SF3A1: variants seen among roughly 807,000 people sequenced by gnomAD.
The protein encoded by SF3A1 is SAP 114.
SF3A1 carries 13 observed loss-of-function variants against 89.9 expected under a neutral mutation model. The observed-to-expected ratio is 0.14, with a 90% CI of 0.09 to 0.23. The LOEUF (loss-of-function observed/expected upper bound fraction) is 0.23. Among genes scored for constraint, SF3A1 ranks in the 10% least tolerant of loss-of-function variants. The probability of loss-of-function intolerance (pLI) is 1.00; values close to 1 mark genes in which losing one functional copy is unlikely to be tolerated. For synonymous variants in SF3A1, 405 were observed against 374.4 expected (o/e 1.08, Z -0.94); for missense variants, 604 against 1,022.1 (o/e 0.59, Z 5.58).
rs556869720 is a variant in SF3A1, at chr22:30,334,439, T to C, written c.*155A>G. On this transcript the variant is annotated 3_prime_UTR_variant, in exon 16 of 16. Transcript: ENST00000215793. ...CAATGTGGGGAAAGGGTCAGGGGAA[T>C]GAACCTCTGCAGGACAATTTGAATT... 7 of 555,096 alleles carry C rather than the reference T, an allele frequency of 1.3e-5. No homozygotes were observed. The South Asian group carries it at 1.5e-4, about 12-fold the overall frequency. 34.4% of individuals were successfully genotyped at this position (555,096 alleles called of 1,614,324 possible). A position where few individuals can be genotyped will look rare whatever the true frequency, so the allele number is the denominator to read the frequency against.
At chr22:30,344,459 T>C (rs1169859696) in intron 4 of SF3A1, among the ~76,000 whole-genome samples, 2 of 152,230 alleles carry the variant, frequency 1.3e-5, no homozygotes, top group East Asian at 1.9e-4. Context: ...AATCTCAGCA[T>C]AGTACTTACT....
chr22:30,337,630 C>T (rs1931111457), intron 12 of SF3A1, 60 bp downstream of exon 12: 1 of 823,772 alleles, frequency 1.2e-6, no homozygotes, highest in Admixed American at 2.0e-5. Flanking sequence ...GCTCTGCTGA[C>T]AGTACTTGGC....
intron 8 of SF3A1, 86 bp downstream of exon 8, chr22:30,340,609 C>A: frequency 1.1e-6 from 1 of 933,240 alleles, no homozygotes; most frequent in South Asian, 1.4e-5. Context: ...ACCTCAAGCC[C>A]TCCTAGAAAG....
rs1931880863 is a variant in SF3A1 at position 30,356,742 on chromosome 22, C to T, written c.51G>A (p.Thr17=). The change falls in exon 1 of 16, where the codon ACG becomes ACA. Residue 17 remains threonine, a synonymous_variant. Transcript: ENST00000215793. The part of the protein sequence containing the change: ...QAVPPPPPVP[T]EPKQPTEEEA... Reference sequence around the variant, plus strand: ...GGGGGAGAGGTACCTGTTTGGGCTCCGTGGGCACGGGCGGCGGCGGGGGCA... The same window carrying T: ...GGGGGAGAGGTACCTGTTTGGGCTCTGTGGGCACGGGCGGCGGCGGGGGCA... 2 of 1,492,626 alleles carry T rather than the reference C, an allele frequency of 1.3e-6. No homozygotes were observed. The highest frequency in any genetic ancestry group is 1.8e-6 in the Non-Finnish European group (2 of 1,116,836). 92.5% of individuals were successfully genotyped at this position (1,492,626 alleles called of 1,614,324 possible). A position where few individuals can be genotyped will look rare whatever the true frequency, so the allele number is the denominator to read the frequency against.
chr22:30,343,170 C>T (rs1289163020), intron 4 of SF3A1, among the ~76,000 whole-genome samples: 2 of 152,306 alleles, frequency 1.3e-5, no homozygotes, highest in African/African-American at 2.4e-5. Context: ...ACCCAGAACA[C>T]GGTCAGTATG....
intron 2 of SF3A1, among the ~76,000 whole-genome samples, chr22:30,350,630 C>T (rs2089356556): frequency 6.6e-6 from 1 of 152,110 alleles, no homozygotes; most frequent in South Asian, 2.1e-4. Context: ...TGGAAAAATG[C>T]TTACAACACA....
At chr22:30,334,756 C>T (rs11705056) in intron 15 of SF3A1, 61 bp from the exon 16 acceptor site, 93,730 of 1,168,486 alleles carry the variant, frequency 0.08, 4,314 homozygotes, top group Non-Finnish European at 0.093. Flanking sequence ...ACCGCTGCAA[C>T]CTTACAACTG....
Position 30,355,782 on chromosome 22 carries a change from T to C in SF3A1, c.63+948A>G, listed in dbSNP as rs186131580. Reference sequence around the variant, plus strand: ...CCAGGGACACACGGGCACTTAAATATTTGTGGAAAAGGCATGGCTTCTTCA... The same window carrying C: ...CCAGGGACACACGGGCACTTAAATACTTGTGGAAAAGGCATGGCTTCTTCA... On this transcript the variant is annotated intron_variant, in intron 1 of 15. Coordinates refer to ENST00000215793, the MANE Select transcript of SF3A1 (RefSeq NM_005877.6). 4.6e-5 allele frequency among the ~76,000 whole-genome samples: 7 copies of C among 151,494 alleles called. No individual in the cohort carries two copies. In the East Asian group the frequency reaches 1.4e-3, roughly 30 times the overall value.
rs762775050 is a variant in SF3A1, at chr22:30,334,429, G to A, written c.*165C>T. On this transcript the variant is annotated 3_prime_UTR_variant, in exon 16 of 16. Transcript: ENST00000215793. ...CTACTCTTACCAATGTGGGGAAAGG[G>A]TCAGGGGAATGAACCTCTGCAGGAC... is the stretch of plus-strand genomic sequence containing the variant. 10 of 534,074 alleles carry A rather than the reference G, an allele frequency of 1.9e-5. No homozygotes were observed. Among genetic ancestry groups the A allele is most frequent in the Non-Finnish European group, 3.3e-5 (10 of 304,122 alleles). The allele number at this position is 534,074 out of a possible 1,614,324, so 33.1% of individuals were successfully genotyped here. A position where few individuals can be genotyped will look rare whatever the true frequency, so the allele number is the denominator to read the frequency against.
chr22:30,337,040 G>A lies in SF3A1; in HGVS notation c.2092C>T (p.Leu698=). The change falls in exon 13 of 16, where the codon CTG becomes TTG. Residue 698 remains leucine (L), a synonymous_variant. Coordinates refer to ENST00000215793, the MANE Select transcript of SF3A1 (RefSeq NM_005877.6). ...EDSLMPEEEF[L]RRNKGPVSIK... ...GGATTACATACCTTGTTTCTGCGCA[G>A]GAACTCCTCCTCTGGCATGAGGCTG... is the stretch of plus-strand genomic sequence containing the variant. The A allele has an allele frequency of 6.2e-7, 1 of 1,614,174 alleles. No individual in the cohort carries two copies. Among genetic ancestry groups the A allele is most frequent in the African/African-American group, 1.3e-5 (1 of 75,036 alleles).
chr22:30,340,229 C>A lies in SF3A1; in HGVS notation c.1342G>T (p.Glu448Ter). The A allele has an allele frequency of 6.3e-7, 1 of 1,598,442 alleles. No homozygotes were observed. The highest frequency in any genetic ancestry group is 2.2e-5 in the East Asian group (1 of 44,450). The change falls in exon 9 of 16, where the codon GAG becomes TAG. Residue 448 changes from glutamate to a stop codon, truncating the protein, a stop_gained. Coordinates refer to ENST00000215793, the MANE Select transcript of SF3A1 (RefSeq NM_005877.6). LOFTEE classifies it high-confidence loss of function. The part of the protein sequence containing the change: ...WLEQRDRSIR[E>*]KQSDDEVYAP... ...TACACCTCATCATCGCTCTGCTTCT[C>A]ACGGATGGAGCGATCCCGCTGCTCC...
In SF3A1 at chr22:30,344,314, A is replaced by G. The variant is rs551509857; in HGVS notation, c.651+619T>C. 6.0e-4 allele frequency among the ~76,000 whole-genome samples: 92 copies of G among 152,348 alleles called. 1 individual carries two copies. Among genetic ancestry groups the G allele is most frequent in the Middle Eastern group, 6.8e-3 (2 of 294 alleles). ...GATTAAATGAGAAGATGCTGCATAC[A>G]TAATTTCTTAGTGATGTTAGTTATA... On this transcript the variant is annotated intron_variant, in intron 4 of 15. Coordinates refer to ENST00000215793, the MANE Select transcript of SF3A1 (RefSeq NM_005877.6).
At chr22:30,350,404 C>A (rs897391468) in intron 2 of SF3A1, among the ~76,000 whole-genome samples, 1 of 151,784 alleles carries the variant, frequency 6.6e-6, no homozygotes, top group Non-Finnish European at 1.5e-5. Context: ...ATAACTTGAG[C>A]CCAGGAGTTC....
Position 30,342,847 on chromosome 22 carries a change from C to A in SF3A1, c.684G>T (p.Lys228Asn). Residue 228 changes from lysine (K) to asparagine (N), a missense_variant, in exon 5 of 16, where the codon AAG (lysine) becomes AAT (asparagine). By Grantham distance (94) the Lys-to-Asn change is moderately conservative (BLOSUM62 0). Transcript: ENST00000215793. ...ILIPPKGLFS[K>N]LKKEAENPRE... Reference sequence around the variant, plus strand: ...GGGGGTTTTCAGCCTCTTTCTTGAGCTTTGAAAATAAACCTTTGGGTGGAA... The same window carrying A: ...GGGGGTTTTCAGCCTCTTTCTTGAGATTTGAAAATAAACCTTTGGGTGGAA... The A allele has an allele frequency of 1.2e-6, 2 of 1,613,004 alleles. No homozygotes were observed. The highest frequency in any genetic ancestry group is 1.7e-6 in the Non-Finnish European group (2 of 1,179,438).
chr22:30,337,225 C>T (rs1283721069), intron 12 of SF3A1, 45 bp from the exon 13 acceptor site: 1 of 1,548,534 alleles, frequency 6.5e-7, no homozygotes, highest in South Asian at 1.2e-5. Flanking sequence ...GCAGAAGGGG[C>T]CCAGGACTCA....
At chr22:30,355,124 A>G (rs1162878232) in intron 1 of SF3A1, among the ~76,000 whole-genome samples, 1 of 151,968 alleles carries the variant, frequency 6.6e-6, no homozygotes, top group African/African-American at 2.4e-5. Flanking sequence ...TCCCAGGTTC[A>G]AGCAATTCTC....
chr22:30,333,727 T>G lies in SF3A1; in HGVS notation c.*867A>C, dbSNP rs1192062045. ...TGGATAAAAGTAGAGAGTAAATTATTTAAACTTTATCAAATCCTTGGTACA... is the reference window on the plus strand; with the variant it reads ...TGGATAAAAGTAGAGAGTAAATTATGTAAACTTTATCAAATCCTTGGTACA... On this transcript the variant is annotated 3_prime_UTR_variant, in exon 16 of 16. Coordinates refer to ENST00000215793, the MANE Select transcript of SF3A1 (RefSeq NM_005877.6). 6.6e-6 allele frequency: 1 copy of G among 152,236 alleles called. No homozygotes were observed. The highest frequency in any genetic ancestry group is 6.5e-5 in the Admixed American group (1 of 15,276). The allele number at this position is 152,236 out of a possible 1,614,324, so 9.4% of individuals were successfully genotyped here.
At position 30,338,783 on chromosome 22, in the gene SF3A1, G is replaced by A. The variant is rs1931158513; in HGVS notation, c.1743+6C>T. ...AAAGTCAGTTCCAGGGTAGATGCTG[G>A]CTTACTGTGGGTGGTCGGGGCACTG... On this transcript the variant is annotated splice_donor_region_variant and intron_variant, in intron 11 of 15. Transcript: ENST00000215793. The A allele has an allele frequency of 1.2e-6, 2 of 1,613,816 alleles. 1 individual carries two copies. The highest frequency in any genetic ancestry group is 2.2e-5 in the South Asian group (2 of 91,070).
chr22:30,343,242 C>T (rs1308816703), intron 4 of SF3A1, among the ~76,000 whole-genome samples: 1 of 152,172 alleles, frequency 6.6e-6, no homozygotes, highest in Non-Finnish European at 1.5e-5. Context: ...CGCAGGTCCC[C>T]CCTGACTATC....
Sources: allele counts gnomAD v4.1 joint callset (sites outside exome capture counted in the v4.1 genomes callset), GRCh38; gene constraint gnomAD v4.1.1; transcripts MANE v1.5; gene names NCBI Gene and HGNC (gene_info 2026-07-23, HGNC 2026-07-21).